The following KCNB2 variants were observed in gnomAD, a reference collection of about 807,000 sequenced individuals.
KCNB2 encodes the protein delayed rectifier potassium channel protein.
In KCNB2, 15 loss-of-function variants were observed where a neutral mutation model predicts 61.5. The ratio of observed to expected loss-of-function variants is 0.24; its 90% CI spans 0.16 to 0.38. The LOEUF is 0.38. Among genes scored for constraint, KCNB2 ranks in the 10% least tolerant of loss-of-function variants. KCNB2 has a pLI of 1.00. For missense variants in KCNB2, 828 were observed against 1,125.2 expected (o/e 0.74, Z 3.78); for synonymous variants, 457 against 446.0 (o/e 1.02, Z -0.31).
intron 2 of KCNB2, among the ~76,000 whole-genome samples, chr8:72,605,718 C>T (rs1421723952): frequency 6.6e-6 from 1 of 152,064 alleles, no homozygotes; most frequent in Non-Finnish European, 1.5e-5. Context: ...CCAAATGAAT[C>T]TTTTTTCCAG....
At chr8:72,588,143 A>G (rs1039255574) in intron 2 of KCNB2, among the ~76,000 whole-genome samples, 3 of 151,374 alleles carry the variant, frequency 2.0e-5, no homozygotes, top group Non-Finnish European at 4.4e-5. Flanking sequence ...ACAGTGGCAC[A>G]TTTTAGAGTT....
At chr8:72,679,315 A>T (rs920785994) in intron 2 of KCNB2, among the ~76,000 whole-genome samples, 1 of 152,230 alleles carries the variant, frequency 6.6e-6, no homozygotes, top group Non-Finnish European at 1.5e-5. Flanking sequence ...AGACTCACAT[A>T]AGGCAAGTAT....
At chr8:72,824,235 G>T (rs1022375853) in intron 2 of KCNB2, among the ~76,000 whole-genome samples, 1 of 152,026 alleles carries the variant, frequency 6.6e-6, no homozygotes, top group Non-Finnish European at 1.5e-5. Context: ...TCCTGTATCC[G>T]TTCTGCAGGA....
Position 72,775,584 on chromosome 8 carries a change from C to T in KCNB2, c.580-160351C>T, listed in dbSNP as rs534685302. On this transcript the variant is annotated intron_variant, in intron 2 of 2. Transcript: ENST00000523207. ...AAAACACAGATGCGTGACTTGACTT[C>T]GTGACTCACAGTAAACAATCCAATG... is the stretch of plus-strand genomic sequence containing the variant. Among the ~76,000 whole-genome samples, 11 of 152,232 alleles carry T rather than the reference C, an allele frequency of 7.2e-5. No homozygotes were observed. In the South Asian group the frequency reaches 2.3e-3, roughly 32 times the overall value.
intron 2 of KCNB2, among the ~76,000 whole-genome samples, chr8:72,814,623 CAG>C (rs1376392021): frequency 6.6e-6 from 1 of 152,070 alleles, no homozygotes; most frequent in South Asian, 2.1e-4. Flanking sequence ...AGAAAAATAA[CAG>C]AAAGTTTTTA....
chr8:72,673,820 G>T (rs1464791019), intron 2 of KCNB2, among the ~76,000 whole-genome samples: 1 of 152,156 alleles, frequency 6.6e-6, no homozygotes, highest in Non-Finnish European at 1.5e-5. Flanking sequence ...ATTTTAAGGG[G>T]TACAGAGTTT....
intron 2 of KCNB2, among the ~76,000 whole-genome samples, chr8:72,753,233 T>C (rs1186512458): frequency 6.6e-6 from 1 of 152,262 alleles, no homozygotes; most frequent in Admixed American, 6.5e-5. Context: ...CATTCATTGT[T>C]TCCTTTGACT....
chr8:72,586,468 C>A (rs1807002105), intron 2 of KCNB2, among the ~76,000 whole-genome samples: 1 of 152,100 alleles, frequency 6.6e-6, no homozygotes, highest in African/African-American at 2.4e-5. Flanking sequence ...TGCACTTAGT[C>A]ACAGAGGGGG....
In KCNB2 at chr8:72,581,781, G is replaced by A. The variant is rs148069308; in HGVS notation, c.579+13468G>A. ...TGTAGGCTGCTCTGTATGCTACAGGGTTTATGCAAAGAAAGGAATCAGGTG... is the reference window on the plus strand; with the variant it reads ...TGTAGGCTGCTCTGTATGCTACAGGATTTATGCAAAGAAAGGAATCAGGTG... On this transcript the variant is annotated intron_variant, in intron 2 of 2. Transcript: ENST00000523207. Among the ~76,000 whole-genome samples, 18 of 152,310 alleles carry A rather than the reference G, an allele frequency of 1.2e-4. No individual in the cohort carries two copies. The East Asian group carries it at 3.5e-3, about 29-fold the overall frequency.
intron 1 of KCNB2, among the ~76,000 whole-genome samples, chr8:72,551,679 A>G (rs1429719988): frequency 6.6e-6 from 1 of 152,094 alleles, no homozygotes; most frequent in East Asian, 1.9e-4. Context: ...GTCTTCTAGC[A>G]CCCTGATTCG....
chr8:72,851,137 T>G (rs1349424236), intron 2 of KCNB2, among the ~76,000 whole-genome samples: 1 of 152,306 alleles, frequency 6.6e-6, no homozygotes, highest in Non-Finnish European at 1.5e-5. Context: ...ATGATCAAAC[T>G]GGCTCTTTCT....
At chr8:72,547,695 G>A (rs937487726) in intron 1 of KCNB2, among the ~76,000 whole-genome samples, 44 of 152,162 alleles carry the variant, frequency 2.9e-4, no homozygotes, top group African/African-American at 1.0e-3. Context: ...TCTTATGAAC[G>A]AGCAAAGAAA....
At chr8:72,652,773 C>G (rs1563549544) in intron 2 of KCNB2, among the ~76,000 whole-genome samples, 1 of 152,106 alleles carries the variant, frequency 6.6e-6, no homozygotes, top group Non-Finnish European at 1.5e-5. Flanking sequence ...GATTTTGTGG[C>G]TCATGGACAT....
chr8:72,631,224 G>T (rs750517621), intron 2 of KCNB2, among the ~76,000 whole-genome samples: 1 of 152,158 alleles, frequency 6.6e-6, no homozygotes, highest in South Asian at 2.1e-4. Flanking sequence ...GCGGATCAGA[G>T]GAGACTGCTG....
intron 2 of KCNB2, among the ~76,000 whole-genome samples, chr8:72,833,059 T>C (rs996228093): frequency 3.9e-5 from 6 of 152,148 alleles, no homozygotes; most frequent in African/African-American, 1.4e-4. Flanking sequence ...ATATTGAAGA[T>C]GATAAAATAT....
chr8:72,622,573 A>G (rs1180422989), intron 2 of KCNB2, among the ~76,000 whole-genome samples: 1 of 152,180 alleles, frequency 6.6e-6, no homozygotes, highest in African/African-American at 2.4e-5. Context: ...TAATCTGAAT[A>G]CTTTAGGTAA....
chr8:72,894,454 A>G (rs921830890), intron 2 of KCNB2, among the ~76,000 whole-genome samples: 1 of 152,226 alleles, frequency 6.6e-6, no homozygotes, highest in African/African-American at 2.4e-5. Context: ...TTCAATTTAT[A>G]TATTCTTTAA....
At chr8:72,929,819 CT>C (rs1806739939) in intron 2 of KCNB2, among the ~76,000 whole-genome samples, 1 of 151,852 alleles carries the variant, frequency 6.6e-6, no homozygotes, top group African/African-American at 2.4e-5. Context: ...TATTATTATA[CT>C]TTAAGTTCTA....
At position 72,821,659 on chromosome 8, in the gene KCNB2, A is replaced by AAAAAAAAC. The variant is rs1554535735; in HGVS notation, c.580-114275_580-114274insAAAAAACA. 2.5e-4 allele frequency among the ~76,000 whole-genome samples: 29 copies of AAAAAAAAC among 117,072 alleles called. 2 individuals are homozygous for AAAAAAAAC. The highest frequency in any genetic ancestry group is 1.1e-3 in the East Asian group (3 of 2,686). The allele number at this position is 117,072 out of a possible 152,430, so 76.8% of individuals were successfully genotyped here. On this transcript the variant is annotated intron_variant, in intron 2 of 2. Coordinates refer to ENST00000523207, the MANE Select transcript of KCNB2 (RefSeq NM_004770.3). Reference sequence around the variant, plus strand: ...AAAAAAACAAAAAAAAAAAAAAAAAAACACACACACACCAAGCCCCCACAG... The same window carrying AAAAAAAAC: ...AAAAAAACAAAAAAAAAAAAAAAAAAAAAAAAACACACACACACACCAAGCCCCCACAG...
Sources: gnomAD v4.1 joint callset for allele counts (sites outside exome capture counted in the v4.1 genomes callset) on GRCh38, gnomAD v4.1.1 for gene constraint, MANE v1.5 for transcripts, NCBI Gene and HGNC (gene_info 2026-07-23, HGNC 2026-07-21) for gene names.